LLPH: variants seen among roughly 807,000 people sequenced by gnomAD.
LLPH encodes protein LLP homolog.
A neutral mutation model predicts 13.3 loss-of-function variants in LLPH; 5 were observed. The observed-to-expected ratio is 0.38, with a 90% CI of 0.20 to 0.79. LLPH has a LOEUF of 0.79. LLPH is among the 30% of genes least tolerant of loss of function. LLPH has a pLI of 0.45. For synonymous variants in LLPH, 32 were observed against 44.2 expected (o/e 0.72, Z 1.09); for missense variants, 129 against 152.1 (o/e 0.85, Z 0.80).
intron 2 of LLPH, among the ~76,000 whole-genome samples, chr12:66,127,195 T>C (rs1050849851): frequency 5.9e-5 from 9 of 151,938 alleles, no homozygotes; most frequent in African/African-American, 2.2e-4. Flanking sequence ...ATTCCACTTA[T>C]CAAACAAAAC....
In LLPH at chr12:66,123,077, A is replaced by G. The variant is rs1473899961; in HGVS notation, c.*763T>C. The G allele has an allele frequency of 1.3e-5, 2 of 152,198 alleles. No individual in the cohort carries two copies. Among genetic ancestry groups the G allele is most frequent in the Admixed American group, 6.5e-5 (1 of 15,268 alleles). 9.4% of individuals were successfully genotyped at this position (152,198 alleles called of 1,614,324 possible). A position where few individuals can be genotyped will look rare whatever the true frequency, so the allele number is the denominator to read the frequency against. On this transcript the variant is annotated 3_prime_UTR_variant, in exon 3 of 3. Transcript: ENST00000266604. ...AATCAGACTTGAAGATCTACACACA[A>G]AATATCTTTTATTCTGTGGAATCAA...
At chr12:66,126,273 G>A (rs960965526) in intron 2 of LLPH, among the ~76,000 whole-genome samples, 14 of 150,438 alleles carry the variant, frequency 9.3e-5, no homozygotes, top group South Asian at 4.2e-4. Context: ...GCAGTGAGCC[G>A]AGATCATGCC....
chr12:66,123,485 C>T lies in LLPH; in HGVS notation c.*355G>A, dbSNP rs1232129277. 1.5e-5 allele frequency: 3 copies of T among 197,244 alleles called. No homozygotes were observed. Among genetic ancestry groups the T allele is most frequent in the South Asian group, 1.6e-4 (1 of 6,398 alleles). The allele number at this position is 197,244 out of a possible 1,614,324, so 12.2% of individuals were successfully genotyped here. ...CAACTTTCTTTAAAATCTAAGTTCA[C>T]AAAAATTTGTCAGTACATCATCTGT... On this transcript the variant is annotated 3_prime_UTR_variant, in exon 3 of 3. Coordinates refer to ENST00000266604, the MANE Select transcript of LLPH (RefSeq NM_032338.4).
Position 66,121,047 on chromosome 12 carries a change from T to G in LLPH, c.*2793A>C, listed in dbSNP as rs963396270. 6.6e-6 allele frequency: 1 copy of G among 152,188 alleles called. No individual in the cohort carries two copies. Among genetic ancestry groups the G allele is most frequent in the Non-Finnish European group, 1.5e-5 (1 of 68,042 alleles). The allele number at this position is 152,188 out of a possible 1,614,324, so 9.4% of individuals were successfully genotyped here. A position where few individuals can be genotyped will look rare whatever the true frequency, so the allele number is the denominator to read the frequency against. On this transcript the variant is annotated 3_prime_UTR_variant, in exon 3 of 3. Transcript: ENST00000266604. ...TGGTAATGGTGCTTTGATTTTTGAT[T>G]TTGTTAACTTTCAAGTTAAATCCTG... is the stretch of plus-strand genomic sequence containing the variant.
intron 2 of LLPH, among the ~76,000 whole-genome samples, chr12:66,128,196 A>C (rs541264362): frequency 6.6e-6 from 1 of 152,316 alleles, no homozygotes; most frequent in African/African-American, 2.4e-5. Flanking sequence ...AAAACCCCCT[A>C]AGGTTGGGAG....
At chr12:66,127,156 A>G (rs117930610) in intron 2 of LLPH, among the ~76,000 whole-genome samples, 2,136 of 152,318 alleles carry the variant, frequency 0.014, 23 homozygotes, top group Middle Eastern at 0.071. Flanking sequence ...TGTGGAGAAC[A>G]TTAAAAAGAA....
In LLPH at chr12:66,118,421, C is replaced by T. The variant is rs1162377957; in HGVS notation, c.*5419G>A. ...CAGTCATGTCTGAGGCCTTCACATT[C>T]ACTCATGGCTTACTCATTGACTCAC... On this transcript the variant is annotated 3_prime_UTR_variant, in exon 3 of 3. Coordinates refer to ENST00000266604, the MANE Select transcript of LLPH (RefSeq NM_032338.4). 1 of 151,124 alleles carries T rather than the reference C, an allele frequency of 6.6e-6. No individual in the cohort carries two copies. The highest frequency in any genetic ancestry group is 1.5e-5 in the Non-Finnish European group (1 of 67,902). The allele number at this position is 151,124 out of a possible 1,614,324, so 9.4% of individuals were successfully genotyped here.
intron 2 of LLPH, among the ~76,000 whole-genome samples, chr12:66,126,344 AAAAG>A (rs1386956721): frequency 6.6e-6 from 1 of 151,538 alleles, no homozygotes; most frequent in Non-Finnish European, 1.5e-5. Context: ...AGTAAAAAAA[AAAAG>A]AAAAACTTTT....
intron 1 of LLPH, among the ~76,000 whole-genome samples, chr12:66,129,340 A>G (rs1317903976): frequency 6.6e-6 from 1 of 152,134 alleles, no homozygotes; most frequent in East Asian, 1.9e-4. Context: ...TGTGGTCATA[A>G]GCAAACTACA....
At position 66,129,136 on chromosome 12, in the gene LLPH, T is replaced by C. The variant is rs745778097; in HGVS notation, c.-7-23A>G. The C allele has an allele frequency of 1.0e-5, 15 of 1,453,220 alleles. No individual in the cohort carries two copies. In the East Asian group the frequency reaches 3.4e-4, roughly 33 times the overall value. The allele number at this position is 1,453,220 out of a possible 1,614,324, so 90.0% of individuals were successfully genotyped here. A position where few individuals can be genotyped will look rare whatever the true frequency, so the allele number is the denominator to read the frequency against. On this transcript the variant is annotated intron_variant, in intron 1 of 2. Transcript: ENST00000266604. ...TACCTGAAGTTAACAAAAACACACATTCAAAAGCAAATCTTTAATATAAAA... is the reference window on the plus strand; with the variant it reads ...TACCTGAAGTTAACAAAAACACACACTCAAAAGCAAATCTTTAATATAAAA...
rs1461349434 is a variant in LLPH, at chr12:66,120,588, A to C, written c.*3252T>G. The C allele has an allele frequency of 6.6e-6, 1 of 152,200 alleles. No homozygotes were observed. Among genetic ancestry groups the C allele is most frequent in the African/African-American group, 2.4e-5 (1 of 41,452 alleles). The allele number at this position is 152,200 out of a possible 1,614,324, so 9.4% of individuals were successfully genotyped here. ...TTTTGATTTCAGACTTAATTTCTTA[A>C]AACACAAAAAGTGTTACATTCAATT... On this transcript the variant is annotated 3_prime_UTR_variant, in exon 3 of 3. Coordinates refer to ENST00000266604, the MANE Select transcript of LLPH (RefSeq NM_032338.4).
rs1491536981 is a variant in LLPH, at chr12:66,120,940, CTG to C, written c.*2898_*2899del. On this transcript the variant is annotated 3_prime_UTR_variant, in exon 3 of 3. Transcript: ENST00000266604. Reference sequence around the variant, plus strand: ...AGTGCCTTAGAGGGTACTGACAACACTGTGTCAGTAAACTTCTCTTCAGCAGT... The same window carrying C: ...AGTGCCTTAGAGGGTACTGACAACACTGTCAGTAAACTTCTCTTCAGCAGT... The C allele has an allele frequency of 2.0e-5, 3 of 152,188 alleles. No homozygotes were observed. Among genetic ancestry groups the C allele is most frequent in the East Asian group, 3.8e-4 (2 of 5,198 alleles). 9.4% of individuals were successfully genotyped at this position (152,188 alleles called of 1,614,324 possible).
Position 66,121,938 on chromosome 12 carries a change from T to C in LLPH, c.*1902A>G, listed in dbSNP as rs1014763361. The C allele has an allele frequency of 2.6e-5, 4 of 151,720 alleles. No homozygotes were observed. Among genetic ancestry groups the C allele is most frequent in the African/African-American group, 4.8e-5 (2 of 41,268 alleles). 9.4% of individuals were successfully genotyped at this position (151,720 alleles called of 1,614,324 possible). On this transcript the variant is annotated 3_prime_UTR_variant, in exon 3 of 3. Transcript: ENST00000266604. ...TTCAGCTACTGTATTTAGGCTGATA[T>C]TGTCAGTGGCTTAACTGGTTGTTTG...
intron 2 of LLPH, among the ~76,000 whole-genome samples, chr12:66,127,733 C>G (rs761338761): frequency 6.6e-6 from 1 of 152,116 alleles, no homozygotes; most frequent in Non-Finnish European, 1.5e-5. Context: ...ATGAAAACAG[C>G]AAGTGAAGGC....
chr12:66,118,751 T>A lies in LLPH; in HGVS notation c.*5089A>T, dbSNP rs2051445050. ...CTAGTGACACACTTCTCAGAACACATCCCAGTCATTTAGTGACATATGACT... is the reference window on the plus strand; with the variant it reads ...CTAGTGACACACTTCTCAGAACACAACCCAGTCATTTAGTGACATATGACT... On this transcript the variant is annotated 3_prime_UTR_variant, in exon 3 of 3. Transcript: ENST00000266604. 1 of 152,128 alleles carries A rather than the reference T, an allele frequency of 6.6e-6. No homozygotes were observed. Among genetic ancestry groups the A allele is most frequent in the African/African-American group, 2.4e-5 (1 of 41,408 alleles). The allele number at this position is 152,128 out of a possible 1,614,324, so 9.4% of individuals were successfully genotyped here. A position where few individuals can be genotyped will look rare whatever the true frequency, so the allele number is the denominator to read the frequency against.
Position 66,123,946 on chromosome 12 carries a change from A to G in LLPH, c.284T>C (p.Ile95Thr), listed in dbSNP as rs1260555028. 3.1e-6 allele frequency: 5 copies of G among 1,612,678 alleles called. No individual in the cohort carries two copies. The highest frequency in any genetic ancestry group is 2.5e-6 in the Non-Finnish European group (3 of 1,178,984). Residue 95 changes from isoleucine to threonine, a missense_variant, in exon 3 of 3, where the codon ATA (isoleucine) becomes ACA (threonine). Ile to Thr is a moderately conservative substitution (Grantham distance 89). Transcript: ENST00000266604. ...TTTTCTTTGCCTTTGGTTCATCCAT[A>G]TTGGGTACTGTCCATGCTGGTCTAG... ...TLLDQHGQYP[I>T]WMNQRQRKRL... is the part of the protein sequence containing the mutation.
rs974344634 is a variant in LLPH at position 66,123,660 on chromosome 12, T to C, written c.*180A>G. ...CTTGGATGTATCAAAGAAAATATTTTATTCAAGTTCCCAAAACAAACTTGA... is the reference window on the plus strand; with the variant it reads ...CTTGGATGTATCAAAGAAAATATTTCATTCAAGTTCCCAAAACAAACTTGA... On this transcript the variant is annotated 3_prime_UTR_variant, in exon 3 of 3. Transcript: ENST00000266604. The C allele has an allele frequency of 3.2e-6, 2 of 617,076 alleles. No homozygotes were observed. Among genetic ancestry groups the C allele is most frequent in the Non-Finnish European group, 5.6e-6 (2 of 357,630 alleles). 38.2% of individuals were successfully genotyped at this position (617,076 alleles called of 1,614,324 possible).
At position 66,119,250 on chromosome 12, in the gene LLPH, G is replaced by A. The variant is rs180918789; in HGVS notation, c.*4590C>T. The A allele has an allele frequency of 1.1e-4, 17 of 152,322 alleles. No homozygotes were observed. In the East Asian group the frequency reaches 2.5e-3, roughly 22 times the overall value. The allele number at this position is 152,322 out of a possible 1,614,324, so 9.4% of individuals were successfully genotyped here. A position where few individuals can be genotyped will look rare whatever the true frequency, so the allele number is the denominator to read the frequency against. ...ATACATAAAGCATTTAAGAGAGTACGCATTCTCTAAATGTTGGCTGTTGGG... is the reference window on the plus strand; with the variant it reads ...ATACATAAAGCATTTAAGAGAGTACACATTCTCTAAATGTTGGCTGTTGGG... On this transcript the variant is annotated 3_prime_UTR_variant, in exon 3 of 3. Transcript: ENST00000266604.
chr12:66,128,585 A>T (rs1295484024), intron 2 of LLPH, among the ~76,000 whole-genome samples: 1 of 152,190 alleles, frequency 6.6e-6, no homozygotes, highest in Non-Finnish European at 1.5e-5. Context: ...TATTCCTGAG[A>T]CATGGAGGCT....
Sources: gnomAD v4.1 joint callset for allele counts (sites outside exome capture counted in the v4.1 genomes callset) on GRCh38, gnomAD v4.1.1 for gene constraint, MANE v1.5 for transcripts, NCBI Gene and HGNC (gene_info 2026-07-23, HGNC 2026-07-21) for gene names.